The following POU6F1 variants were observed in gnomAD, a reference collection of about 807,000 sequenced individuals.
POU6F1 encodes POU class 6 homeobox 1.
In POU6F1, 9 loss-of-function variants were observed where a neutral mutation model predicts 28.9. The ratio of observed to expected loss-of-function variants is 0.31; its 90% confidence interval spans 0.19 to 0.54. The LOEUF (loss-of-function observed/expected upper bound fraction) is 0.54, where lower values mean the gene tolerates loss of function less well. Ranked by LOEUF, POU6F1 falls within the 20% of genes least tolerant of loss-of-function variation. The pLI, the probability that POU6F1 is intolerant of heterozygous loss-of-function variation, is 0.94. For missense variants in POU6F1, 338 were observed against 426.1 expected (o/e 0.79, Z 1.82); for synonymous variants, 173 against 171.1 (o/e 1.01, Z -0.09).
rs769346626 is a variant in POU6F1, at chr12:51,217,267, C to A, written c.-48+375G>T. On this transcript the variant is annotated intron_variant, in intron 1 of 10. Transcript: ENST00000333640. The surrounding 1 kb of genome is among the most constrained non-coding windows in gnomAD (Gnocchi z 5.3). ...GTCGCCACTGGTTCTGTGTACAGAGCGTCCCCTGTGGTCCGCACCCCACAA... is the reference window on the plus strand; with the variant it reads ...GTCGCCACTGGTTCTGTGTACAGAGAGTCCCCTGTGGTCCGCACCCCACAA... Among the ~76,000 whole-genome samples, 2 of 152,184 alleles carry A rather than the reference C, an allele frequency of 1.3e-5. No individual in the cohort carries two copies. Among genetic ancestry groups the A allele is most frequent in the Non-Finnish European group, 2.9e-5 (2 of 68,028 alleles).
intron 3 of POU6F1, among the ~76,000 whole-genome samples, chr12:51,200,598 G>A (rs929646190): frequency 6.6e-6 from 1 of 152,194 alleles, no homozygotes; most frequent in South Asian, 2.1e-4. Context: ...ATACAACGAG[G>A]AGAAGGGTTA....
intron 3 of POU6F1, among the ~76,000 whole-genome samples, chr12:51,203,610 G>A (rs1460299635): frequency 2.0e-5 from 3 of 152,210 alleles, no homozygotes; most frequent in East Asian, 1.9e-4. Context: ...AGGAGCTGTT[G>A]CTTTTCGGAA....
In POU6F1 at chr12:51,190,245, C is replaced by G. The variant is rs1164607925; in HGVS notation, c.*2G>C. The G allele has an allele frequency of 6.2e-7, 1 of 1,613,896 alleles. No homozygotes were observed. Among genetic ancestry groups the G allele is most frequent in the South Asian group, 1.1e-5 (1 of 91,034 alleles). ...CTAGAACACAGGGCCAGGGGCTGAG[C>G]CCTAAGGGATCTGAAAGACGTTCAG... On this transcript the variant is annotated 3_prime_UTR_variant, in exon 11 of 11. Transcript: ENST00000333640. The surrounding 1 kb of genome is among the most constrained non-coding windows in gnomAD (Gnocchi z 4.5).
intron 1 of POU6F1, chr12:51,207,323 C>CA (rs558070229): frequency 5.0e-3 from 711 of 143,622 alleles, no homozygotes; most frequent in Non-Finnish European, 7.1e-3. Flanking sequence ...TGCACCTGGC[C>CA]AAAAAAAAAA....
Position 51,196,849 on chromosome 12 carries a change from G to A in POU6F1, c.925C>T (p.Pro309Ser), listed in dbSNP as rs752786540. 6 of 1,613,982 alleles carry A rather than the reference G, an allele frequency of 3.7e-6. No individual in the cohort carries two copies. The Admixed American group carries it at 6.7e-5, about 18-fold the overall frequency. The change falls in exon 7 of 11, where the codon CCC becomes TCC. Residue 309 changes from proline to serine, a missense_variant. Physicochemically the swap from Pro to Ser is moderately conservative, Grantham distance 74. This residue lies in a region of POU6F1 where 206 missense variants were observed against 225.6 expected (regional missense o/e 0.91). Transcript: ENST00000333640. ...TTAPVITSAI[P>S]SMPGISSQIL... ...TGACTGCTGATCCCTGGCATGCTGGGAATGGCGCTGGTAATGACTGGAGCT... is the reference window on the plus strand; with the variant it reads ...TGACTGCTGATCCCTGGCATGCTGGAAATGGCGCTGGTAATGACTGGAGCT...
rs1373680177 is a variant in POU6F1, at chr12:51,204,324, G to A, written c.93C>T (p.Val31=). The change falls in exon 3 of 11, where the codon GTC becomes GTT. Residue 31 remains valine (V), a synonymous_variant. Transcript: ENST00000333640. ...SGHETIRVLE[V]GVDAQLPAEE... Reference sequence around the variant, plus strand: ...CAGCAGGGAGTTGGGCATCCACTCCGACTTCCAGCACTCGGATGGTCTCAT... The same window carrying A: ...CAGCAGGGAGTTGGGCATCCACTCCAACTTCCAGCACTCGGATGGTCTCAT... 1.8e-5 allele frequency: 7 copies of A among 399,174 alleles called. No homozygotes were observed. Among genetic ancestry groups the A allele is most frequent in the South Asian group, 2.5e-4 (2 of 7,856 alleles). 24.7% of individuals were successfully genotyped at this position (399,174 alleles called of 1,614,324 possible).
intron 1 of POU6F1, among the ~76,000 whole-genome samples, chr12:51,215,772 C>T (rs1944257226): frequency 6.6e-6 from 1 of 152,012 alleles, no homozygotes; most frequent in African/African-American, 2.4e-5. Context: ...GCAGAAGACC[C>T]AGCTTGAGTA....
chr12:51,192,187 A>C, intron 9 of POU6F1, 143 bp downstream of exon 9: 1 of 1,232,036 alleles, frequency 8.1e-7, no homozygotes, highest in Non-Finnish European at 1.1e-6. Flanking sequence ...AGGAATGGGA[A>C]TAAAAAAGCC....
intron 6 of POU6F1, chr12:51,197,184 G>C (rs1270020904): frequency 3.6e-6 from 1 of 279,384 alleles, no homozygotes; most frequent in Non-Finnish European, 6.8e-6. Flanking sequence ...CTACCGGCTG[G>C]ATGGTTTCCA....
intron 3 of POU6F1, chr12:51,201,880 G>C (rs1271694909): frequency 6.8e-6 from 1 of 146,976 alleles, no homozygotes; most frequent in Non-Finnish European, 1.5e-5. Context: ...TTTTTTCTGA[G>C]ACAAGGTCTC....
At position 51,196,405 on chromosome 12, in the gene POU6F1, C is replaced by T. The variant is rs74961315; in HGVS notation, c.976-232G>A. Among the ~76,000 whole-genome samples, 3,026 of 152,300 alleles carry T rather than the reference C, an allele frequency of 0.02. 283 individuals carry two copies. The East Asian group carries it at 0.3, about 15-fold the overall frequency. ...ATAGGTCTGGATGTGGATTCAGAGA[C>T]CTGCCTTGTTCTGCCACATTTTAGC... On this transcript the variant is annotated intron_variant, in intron 7 of 10. Transcript: ENST00000333640.
At position 51,192,310 on chromosome 12, in the gene POU6F1, C is replaced by A. The variant is rs772427712; in HGVS notation, c.1321+20G>T. The A allele has an allele frequency of 3.1e-5, 50 of 1,612,720 alleles. No individual in the cohort carries two copies. Among genetic ancestry groups the A allele is most frequent in the Non-Finnish European group, 4.2e-5 (49 of 1,179,188 alleles). ...AATGCCTCCCCACTTCTCCACACTA[C>A]TTCTCCAGGAGCCACTTACTGGACA... is the stretch of plus-strand genomic sequence containing the variant. On this transcript the variant is annotated intron_variant, in intron 9 of 10. Transcript: ENST00000333640.
Position 51,190,699 on chromosome 12 carries a change from G to C in POU6F1, c.1491-107C>G. 2 of 1,493,874 alleles carry C rather than the reference G, an allele frequency of 1.3e-6. No individual in the cohort carries two copies. The highest frequency in any genetic ancestry group is 1.8e-6 in the Non-Finnish European group (2 of 1,122,416). 92.5% of individuals were successfully genotyped at this position (1,493,874 alleles called of 1,614,324 possible). A position where few individuals can be genotyped will look rare whatever the true frequency, so the allele number is the denominator to read the frequency against. Reference sequence around the variant, plus strand: ...ATCCTCAAGGGGCCGCTCCTCTAGGGGCTGGTGAGACTGTACCCAGTGCTC... The same window carrying C: ...ATCCTCAAGGGGCCGCTCCTCTAGGCGCTGGTGAGACTGTACCCAGTGCTC... On this transcript the variant is annotated intron_variant, in intron 10 of 10. Transcript: ENST00000333640. The surrounding 1 kb of genome is among the most constrained non-coding windows in gnomAD (Gnocchi z 4.5).
intron 1 of POU6F1, among the ~76,000 whole-genome samples, chr12:51,210,383 T>C (rs1428310703): frequency 2.0e-5 from 3 of 152,212 alleles, no homozygotes; most frequent in Admixed American, 1.3e-4. Context: ...GCTTGATACA[T>C]ACATTTCTTG....
intron 2 of POU6F1, 49 bp from the exon 3 acceptor site, chr12:51,204,417 G>A (rs1412968418): frequency 2.5e-5 from 10 of 398,932 alleles, no homozygotes; most frequent in Non-Finnish European, 3.5e-5. Context: ...CAGTATAGCC[G>A]CAGGGTCCAA....
Position 51,197,943 on chromosome 12 carries a change from G to A in POU6F1, c.673C>T (p.Arg225Trp), listed in dbSNP as rs1340241738. ...PVQASSTAQP[R>W]PPAQPQTLFQ... ...AGCGTCTGGGGCTGGGCTGGTGGCC[G>A]GGGTTGGGCCGTCGAGGAGGCCTGT... is the stretch of plus-strand genomic sequence containing the variant. Residue 225 changes from arginine to tryptophan, a missense_variant, in exon 6 of 11, where the codon CGG (arginine) becomes TGG (tryptophan). Physicochemically the swap from Arg to Trp is moderately radical, Grantham distance 101 (BLOSUM62 -3). Coordinates refer to ENST00000333640, the MANE Select transcript of POU6F1 (RefSeq NM_001330422.2). The A allele has an allele frequency of 3.0e-5, 12 of 402,660 alleles. No homozygotes were observed. In the South Asian group the frequency reaches 4.7e-4, roughly 16 times the overall value. The allele number at this position is 402,660 out of a possible 1,614,324, so 24.9% of individuals were successfully genotyped here. A position where few individuals can be genotyped will look rare whatever the true frequency, so the allele number is the denominator to read the frequency against.
chr12:51,212,776 CAAAAAA>C (rs1176606531), intron 1 of POU6F1, among the ~76,000 whole-genome samples: 4 of 37,702 alleles, frequency 1.1e-4, no homozygotes, highest in Non-Finnish European at 1.7e-4. Context: ...AACTCCGTCT[CAAAAAA>C]AAAAAAAAAA....
chr12:51,193,119 T>G (rs1942551012), intron 8 of POU6F1, among the ~76,000 whole-genome samples: 3 of 152,158 alleles, frequency 2.0e-5, no homozygotes, highest in Admixed American at 1.3e-4. Flanking sequence ...TCCAAATCTC[T>G]GCCCTCAAAG....
At position 51,190,086 on chromosome 12, in the gene POU6F1, G is replaced by T; in HGVS notation, c.*161C>A. ...TCCCCATGATGTGAGATGTGTGGGA[G>T]AAAAGAGGGACATTGATGCACATGC... On this transcript the variant is annotated 3_prime_UTR_variant, in exon 11 of 11. Transcript: ENST00000333640. The surrounding 1 kb of genome is among the most constrained non-coding windows in gnomAD (Gnocchi z 4.5). 7.7e-7 allele frequency: 1 copy of T among 1,302,500 alleles called. No individual in the cohort carries two copies. Among genetic ancestry groups the T allele is most frequent in the Non-Finnish European group, 1.0e-6 (1 of 975,962 alleles). 80.7% of individuals were successfully genotyped at this position (1,302,500 alleles called of 1,614,324 possible). A position where few individuals can be genotyped will look rare whatever the true frequency, so the allele number is the denominator to read the frequency against.
Sources: allele counts gnomAD v4.1 joint callset (sites outside exome capture counted in the v4.1 genomes callset), GRCh38; gene constraint gnomAD v4.1.1; regional missense constraint gnomAD v4.1.1; non-coding constraint Gnocchi (gnomAD v3.1); transcripts MANE v1.5; gene names NCBI Gene and HGNC (gene_info 2026-07-23, HGNC 2026-07-21).